LRCH1: variants seen among roughly 807,000 people sequenced by gnomAD.
The protein encoded by LRCH1 is leucine-rich repeat and calponin homology domain-containing protein 1.
A neutral mutation model predicts 94.9 loss-of-function variants in LRCH1; 23 were observed. The ratio of observed to expected loss-of-function variants is 0.24; its 90% CI spans 0.17 to 0.34. The LOEUF (loss-of-function observed/expected upper bound fraction) is 0.34, where lower values mean the gene tolerates loss of function less well. Among genes scored for constraint, LRCH1 ranks in the 10% least tolerant of loss-of-function variants. The pLI is 1.00. For synonymous variants in LRCH1, 364 were observed against 354.9 expected (o/e 1.03, Z -0.29); for missense variants, 790 against 945.9 (o/e 0.84, Z 2.16).
In LRCH1 at chr13:46,744,333, G is replaced by A. The variant is rs918402609; in HGVS notation, c.*2485G>A. 4.1e-6 allele frequency: 4 copies of A among 985,362 alleles called. No homozygotes were observed. In the African/African-American group the frequency reaches 7.0e-5, roughly 17 times the overall value. 61.0% of individuals were successfully genotyped at this position (985,362 alleles called of 1,614,324 possible). ...TCCCTTCCAATGTTAGATAAAAGGA[G>A]CCAAGTATCTATTTACATTTTATTT... is the stretch of plus-strand genomic sequence containing the variant. On this transcript the variant is annotated 3_prime_UTR_variant, in exon 20 of 20. Coordinates refer to ENST00000389797, the MANE Select transcript of LRCH1 (RefSeq NM_001164211.2).
intron 1 of LRCH1, among the ~76,000 whole-genome samples, chr13:46,585,076 A>C (rs2050415691): frequency 6.6e-6 from 1 of 152,242 alleles, no homozygotes; most frequent in Admixed American, 6.5e-5. Context: ...TAGTTCTTTA[A>C]AGAACTGCAT....
intron 16 of LRCH1, among the ~76,000 whole-genome samples, chr13:46,720,451 T>A (rs1872545687): frequency 6.6e-6 from 1 of 152,108 alleles, no homozygotes; most frequent in Non-Finnish European, 1.5e-5. Flanking sequence ...TAACACACAC[T>A]CTGCTCTCTC....
intron 1 of LRCH1, among the ~76,000 whole-genome samples, chr13:46,558,205 A>G (rs913651359): frequency 6.6e-6 from 1 of 152,202 alleles, no homozygotes; most frequent in South Asian, 2.1e-4. Context: ...GAGATGCTAA[A>G]TAACAGTTCC....
chr13:46,727,744 A>G (rs1029023046), intron 17 of LRCH1, among the ~76,000 whole-genome samples: 7 of 152,124 alleles, frequency 4.6e-5, no homozygotes, highest in Non-Finnish European at 1.5e-5. Context: ...GAAAGTTGTT[A>G]CCATTGAAGG....
chr13:46,748,276 GA>G (rs976394774), downstream of LRCH1, among the ~76,000 whole-genome samples: 9 of 145,826 alleles, frequency 6.2e-5, no homozygotes, highest in African/African-American at 2.4e-4. Flanking sequence ...GGGTGTTGTA[GA>G]TTTTTTTTTT....
chr13:46,696,204 AC>A (rs1871175218), intron 9 of LRCH1, among the ~76,000 whole-genome samples: 1 of 126,384 alleles, frequency 7.9e-6, no homozygotes, highest in African/African-American at 5.3e-5. Context: ...GTACACACAC[AC>A]ACACACACAC....
chr13:46,721,660 G>A (rs1264078375), intron 16 of LRCH1, among the ~76,000 whole-genome samples: 1 of 152,164 alleles, frequency 6.6e-6, no homozygotes, highest in Non-Finnish European at 1.5e-5. Context: ...GGGACTTGGT[G>A]ACAGCCCTCC....
Position 46,673,014 on chromosome 13 carries a change from C to T in LRCH1, c.579+3858C>T, listed in dbSNP as rs550441198. Among the ~76,000 whole-genome samples, 3 of 152,222 alleles carry T rather than the reference C, an allele frequency of 2.0e-5. No individual in the cohort carries two copies. In the South Asian group the frequency reaches 6.2e-4, roughly 32 times the overall value. On this transcript the variant is annotated intron_variant, in intron 3 of 19. Transcript: ENST00000389797. ...TTTTAAAGTACTGGTAGATACATAG[C>T]CAAGTAAGAAGCAAGTGAAATTAAT...
Position 46,728,991 on chromosome 13 carries a change from A to G in LRCH1, c.2007+7A>G. 6.2e-7 allele frequency: 1 copy of G among 1,610,934 alleles called. No homozygotes were observed. The highest frequency in any genetic ancestry group is 1.3e-5 in the African/African-American group (1 of 75,010). ...TGTCCCATCACCAGCGGTTGTAAGT[A>G]ACACCAAAGGGAAACTAACTGACAT... On this transcript the variant is annotated splice_region_variant and intron_variant, in intron 18 of 19. Coordinates refer to ENST00000389797, the MANE Select transcript of LRCH1 (RefSeq NM_001164211.2).
intron 1 of LRCH1, among the ~76,000 whole-genome samples, chr13:46,582,783 T>C (rs2050388316): frequency 6.6e-6 from 1 of 150,682 alleles, no homozygotes; most frequent in Non-Finnish European, 1.5e-5. Flanking sequence ...TTATAGGTAT[T>C]CGCCGCTGTG....
At chr13:46,563,470 C>T (rs977396041) in intron 1 of LRCH1, among the ~76,000 whole-genome samples, 15 of 152,148 alleles carry the variant, frequency 9.9e-5, no homozygotes, top group Non-Finnish European at 1.9e-4. Context: ...GACTTAAACC[C>T]TATGCATCGG....
intron 1 of LRCH1, among the ~76,000 whole-genome samples, chr13:46,609,970 T>G (rs562116334): frequency 2.0e-4 from 31 of 152,308 alleles, no homozygotes; most frequent in African/African-American, 7.5e-4. Context: ...AAGATTGACC[T>G]TTGTGAGTTG....
chr13:46,702,958 A>G (rs560449734), intron 11 of LRCH1, among the ~76,000 whole-genome samples: 27 of 152,278 alleles, frequency 1.8e-4, no homozygotes, highest in African/African-American at 4.8e-4. Flanking sequence ...AGGAGCTGAG[A>G]TTTTAATTTA....
At chr13:46,563,282 C>A (rs1288044832) in intron 1 of LRCH1, among the ~76,000 whole-genome samples, 1 of 152,078 alleles carries the variant, frequency 6.6e-6, no homozygotes, top group Non-Finnish European at 1.5e-5. Flanking sequence ...CTTACACATA[C>A]AGTACTCCAA....
chr13:46,688,115 G>A, intron 6 of LRCH1, 136 bp downstream of exon 6: 1 of 788,602 alleles, frequency 1.3e-6, no homozygotes, highest in Non-Finnish European at 1.8e-6. Flanking sequence ...GAACAATTTG[G>A]TTTAATCACC....
At chr13:46,677,401 A>G (rs777005888) in intron 3 of LRCH1, among the ~76,000 whole-genome samples, 39 of 152,164 alleles carry the variant, frequency 2.6e-4, no homozygotes, top group Non-Finnish European at 4.9e-4. Flanking sequence ...TCGCACTCCA[A>G]TCTGGGCGAC....
chr13:46,743,280 G>C lies in LRCH1; in HGVS notation c.*1432G>C. On this transcript the variant is annotated 3_prime_UTR_variant, in exon 20 of 20. Transcript: ENST00000389797. ...CTTGAAAATATGGAAGACCCACATA[G>C]TTAGAAGAATATATTTATAAAGATT... 1 of 985,468 alleles carries C rather than the reference G, an allele frequency of 1.0e-6. No individual in the cohort carries two copies. Among genetic ancestry groups the C allele is most frequent in the Non-Finnish European group, 1.2e-6 (1 of 829,580 alleles). 61.0% of individuals were successfully genotyped at this position (985,468 alleles called of 1,614,324 possible). A position where few individuals can be genotyped will look rare whatever the true frequency, so the allele number is the denominator to read the frequency against.
chr13:46,660,098 G>A (rs947622932), intron 2 of LRCH1, among the ~76,000 whole-genome samples: 1 of 128,726 alleles, frequency 7.8e-6, no homozygotes, highest in Non-Finnish European at 1.5e-5. Context: ...TGCAAGCTCC[G>A]CCTCCTTGGT....
At chr13:46,745,464 A>C (rs1475267768), downstream of LRCH1, among the ~76,000 whole-genome samples, 1 of 152,040 alleles carries the variant, frequency 6.6e-6, no homozygotes, top group Non-Finnish European at 1.5e-5. Flanking sequence ...GACTTAGCAA[A>C]CGTTCAGGAA....
Sources: gnomAD v4.1 joint callset for allele counts (sites outside exome capture counted in the v4.1 genomes callset) on GRCh38, gnomAD v4.1.1 for gene constraint, MANE v1.5 for transcripts, NCBI Gene and HGNC (gene_info 2026-07-23, HGNC 2026-07-21) for gene names.